THSD7B: variants seen among roughly 807,000 people sequenced by gnomAD.
The protein encoded by THSD7B is thrombospondin type-1 domain-containing protein 7B.
In THSD7B, 138 loss-of-function variants were observed where a neutral mutation model predicts 213.6. The observed-to-expected ratio is 0.65, with a 90% CI of 0.56 to 0.74. The LOEUF (loss-of-function observed/expected upper bound fraction) is 0.74. THSD7B is among the 30% of genes least tolerant of loss of function. THSD7B has a pLI of 0.00. For synonymous variants in THSD7B, 742 were observed against 687.0 expected (o/e 1.08, Z -1.25); for missense variants, 1,931 against 1,991.5 (o/e 0.97, Z 0.58).
At chr2:137,287,824 A>G (rs1449294523) in intron 12 of THSD7B, among the ~76,000 whole-genome samples, 1 of 152,080 alleles carries the variant, frequency 6.6e-6, no homozygotes, top group Non-Finnish European at 1.5e-5. Context: ...CATTTGTAAA[A>G]CTGGTAGTAA....
intron 15 of THSD7B, among the ~76,000 whole-genome samples, chr2:137,470,910 C>CTTTT (rs70978226): frequency 1.2e-4 from 14 of 119,804 alleles, no homozygotes; most frequent in Admixed American, 1.8e-4. Flanking sequence ...TTTTTCTTTA[C>CTTTT]TTTTTTTTTT....
chr2:136,966,138 A>G (rs1186445256), intron 2 of THSD7B, among the ~76,000 whole-genome samples: 2 of 152,044 alleles, frequency 1.3e-5, no homozygotes, highest in Admixed American at 1.3e-4. Flanking sequence ...GGTCTCAGGG[A>G]TCTTGCTGTC....
intron 20 of THSD7B, among the ~76,000 whole-genome samples, chr2:137,636,811 T>A (rs534870494): frequency 4.3e-4 from 66 of 152,222 alleles, no homozygotes; most frequent in Non-Finnish European, 7.5e-4. Context: ...TTAATGCCCA[T>A]TCCAGGCCTC....
intron 4 of THSD7B, among the ~76,000 whole-genome samples, chr2:137,108,246 A>G (rs1688291374): frequency 6.6e-6 from 1 of 152,214 alleles, no homozygotes; most frequent in African/African-American, 2.4e-5. Context: ...GAGCAAAGAA[A>G]CCCACACTTT....
At chr2:136,914,930 CATT>C (rs1558850375) in intron 2 of THSD7B, among the ~76,000 whole-genome samples, 1 of 152,024 alleles carries the variant, frequency 6.6e-6, no homozygotes, top group Non-Finnish European at 1.5e-5. Context: ...TTACCAGAAA[CATT>C]ATTGAAAACA....
At chr2:137,367,390 A>T (rs980068586) in intron 12 of THSD7B, among the ~76,000 whole-genome samples, 1 of 152,176 alleles carries the variant, frequency 6.6e-6, no homozygotes, top group East Asian at 1.9e-4. Flanking sequence ...TTTTTAGGGT[A>T]GGAGTAATGC....
chr2:136,878,522 A>C (rs1683561742), intron 1 of THSD7B, among the ~76,000 whole-genome samples: 1 of 152,256 alleles, frequency 6.6e-6, no homozygotes, highest in Admixed American at 6.5e-5. Flanking sequence ...GAACTAGTTT[A>C]CAGTCCCACC....
chr2:137,658,759 T>G (rs1242619815), intron 24 of THSD7B, among the ~76,000 whole-genome samples: 1 of 152,238 alleles, frequency 6.6e-6, no homozygotes, highest in Non-Finnish European at 1.5e-5. Context: ...ATTTAGCTGC[T>G]TCATTCCCAG....
chr2:137,272,808 C>T (rs962939273), intron 11 of THSD7B, 146 bp downstream of exon 11: 1 of 930,706 alleles, frequency 1.1e-6, no homozygotes, highest in South Asian at 1.7e-5. Flanking sequence ...TATTCTTACC[C>T]TCTTATCTGG....
chr2:137,572,753 G>A (rs1681382445), intron 17 of THSD7B, among the ~76,000 whole-genome samples, 197 bp downstream of exon 17: 1 of 152,156 alleles, frequency 6.6e-6, no homozygotes, highest in African/African-American at 2.4e-5. Context: ...TAAAATGCCA[G>A]TCCTTCTTCC....
chr2:137,015,611 T>C (rs1348816011), intron 2 of THSD7B, among the ~76,000 whole-genome samples: 2 of 152,170 alleles, frequency 1.3e-5, no homozygotes, highest in Admixed American at 6.5e-5. Flanking sequence ...GACATACATA[T>C]TGCATTCCGT....
intron 16 of THSD7B, among the ~76,000 whole-genome samples, chr2:137,572,205 C>T (rs1348491712): frequency 6.6e-6 from 1 of 152,182 alleles, no homozygotes; most frequent in Non-Finnish European, 1.5e-5. Flanking sequence ...CTCCCTTGCC[C>T]TGATGAATAA....
chr2:136,770,034 C>T (rs534873941), intron 1 of THSD7B, among the ~76,000 whole-genome samples: 68 of 152,270 alleles, frequency 4.5e-4, no homozygotes, highest in African/African-American at 1.4e-3. Context: ...AACTCATGGC[C>T]GTGTTCCACT....
At chr2:137,656,369 A>G (rs575209649) in intron 22 of THSD7B, among the ~76,000 whole-genome samples, 1 of 152,232 alleles carries the variant, frequency 6.6e-6, no homozygotes, top group African/African-American at 2.4e-5. Context: ...TAAATTAAAC[A>G]TTCTTTGGTC....
At chr2:137,663,063 TA>T (rs60772441) in intron 25 of THSD7B, among the ~76,000 whole-genome samples, 683 of 122,460 alleles carry the variant, frequency 5.6e-3, no homozygotes, top group Admixed American at 6.5e-3. Context: ...AAACTCCATC[TA>T]AAAAAAAAAA....
intron 15 of THSD7B, among the ~76,000 whole-genome samples, chr2:137,466,895 G>T (rs1688002642): frequency 6.6e-6 from 1 of 151,976 alleles, no homozygotes; most frequent in African/African-American, 2.4e-5. Context: ...CTTCAGTGTT[G>T]GCTTCATCCT....
chr2:136,850,623 T>A (rs1683083374), intron 1 of THSD7B, among the ~76,000 whole-genome samples: 1 of 152,066 alleles, frequency 6.6e-6, no homozygotes, highest in Admixed American at 6.6e-5. Context: ...ATGGCTTTAA[T>A]TTTAATTTCC....
At chr2:136,862,895 G>C (rs554522276) in intron 1 of THSD7B, among the ~76,000 whole-genome samples, 1 of 152,142 alleles carries the variant, frequency 6.6e-6, no homozygotes, top group Non-Finnish European at 1.5e-5. Context: ...CTAACTTAAT[G>C]GGCCTGATTT....
intron 2 of THSD7B, among the ~76,000 whole-genome samples, chr2:136,990,488 G>T (rs948943357): frequency 2.6e-4 from 39 of 152,128 alleles, no homozygotes; most frequent in African/African-American, 8.0e-4. Context: ...GTAGGGGGGG[G>T]ACCATGCCAG....
Sources: allele counts gnomAD v4.1 joint callset (sites outside exome capture counted in the v4.1 genomes callset), GRCh38; gene constraint gnomAD v4.1.1; transcripts MANE v1.5; gene names NCBI Gene and HGNC (gene_info 2026-07-23, HGNC 2026-07-21).